The following ANAPC1 variants were observed in gnomAD, a reference collection of about 807,000 sequenced individuals.
The protein encoded by ANAPC1 is anaphase-promoting complex subunit 1.
A neutral mutation model predicts 208.0 loss-of-function variants in ANAPC1; 36 were observed. The observed-to-expected ratio is 0.17, with a 90% CI of 0.13 to 0.23. The LOEUF (loss-of-function observed/expected upper bound fraction) is 0.23. ANAPC1 is among the 10% of genes least tolerant of loss of function. ANAPC1 has a pLI of 1.00. For synonymous variants in ANAPC1, 378 were observed against 695.2 expected (o/e 0.54, Z 7.18); for missense variants, 942 against 2,011.6 (o/e 0.47, Z 10.17).
chr2:111,840,198 G>A (rs1486093489), intron 17 of ANAPC1, among the ~76,000 whole-genome samples: 5 of 149,846 alleles, frequency 3.3e-5, no homozygotes, highest in African/African-American at 1.2e-4. Flanking sequence ...ATTAAAGAAA[G>A]CACAAAGAAA....
chr2:111,787,087 T>G (rs1425670128), intron 39 of ANAPC1, among the ~76,000 whole-genome samples: 8 of 144,128 alleles, frequency 5.6e-5, no homozygotes, highest in Middle Eastern at 3.6e-3. Flanking sequence ...AGGCGGAGCT[T>G]GCAGTGACCC....
At position 111,775,078 on chromosome 2, in the gene ANAPC1, C is replaced by T. The variant is rs10187887; in HGVS notation, c.5584+1781G>A. Among the ~76,000 whole-genome samples the T allele has an allele frequency of 5.9e-3, 902 of 152,214 alleles. 10 individuals are homozygous for T. Among genetic ancestry groups the T allele is most frequent in the African/African-American group, 0.021 (869 of 41,508 alleles). ...GTCAGGAGTTCGAGATCAGACTGAA[C>T]AACATGGTGAAACCCCGTCTCTACT... On this transcript the variant is annotated intron_variant, in intron 46 of 47. Transcript: ENST00000341068.
chr2:111,775,139 A>G (rs111955097), intron 46 of ANAPC1, among the ~76,000 whole-genome samples: 3 of 151,960 alleles, frequency 2.0e-5, no homozygotes. Context: ...GGTGGCGTGC[A>G]CCTGTAATCC....
At chr2:111,828,659 T>C (rs1387021505) in intron 21 of ANAPC1, among the ~76,000 whole-genome samples, 2 of 152,198 alleles carry the variant, frequency 1.3e-5, no homozygotes, top group South Asian at 4.1e-4. Context: ...TGGATGAACA[T>C]TGAAAACATT....
chr2:111,871,752 CAA>C (rs979605617), intron 6 of ANAPC1, among the ~76,000 whole-genome samples: 1 of 150,812 alleles, frequency 6.6e-6, no homozygotes, highest in Non-Finnish European at 1.5e-5. Context: ...AACCCCGTCT[CAA>C]AAAAAAAGAG....
chr2:111,827,735 G>A (rs1679912885), intron 21 of ANAPC1, among the ~76,000 whole-genome samples: 2 of 151,856 alleles, frequency 1.3e-5, no homozygotes, highest in African/African-American at 4.8e-5. Flanking sequence ...CAGCCTGGGT[G>A]ACAGAGTAAG....
intron 29 of ANAPC1, 149 bp downstream of exon 29, chr2:111,808,797 GT>G (rs1216677398): frequency 2.7e-5 from 27 of 1,009,340 alleles, no homozygotes; most frequent in African/African-American, 3.3e-5. Flanking sequence ...GAGTTTTGTT[GT>G]TTTTTTTAAT....
At chr2:111,875,312 G>T (rs1335694223) in intron 3 of ANAPC1, among the ~76,000 whole-genome samples, 2 of 152,156 alleles carry the variant, frequency 1.3e-5, no homozygotes, top group Non-Finnish European at 2.9e-5. Flanking sequence ...GTTAAGAAAT[G>T]AAAATTCAGG....
At chr2:111,832,756 C>T (rs1188992668) in intron 20 of ANAPC1, among the ~76,000 whole-genome samples, 1 of 151,726 alleles carries the variant, frequency 6.6e-6, no homozygotes, top group Non-Finnish European at 1.5e-5. Flanking sequence ...AGTTAAACCT[C>T]GTCTCTAATA....
At position 111,850,842 on chromosome 2, in the gene ANAPC1, G is replaced by A; in HGVS notation, c.1584C>T (p.Pro528=). 4 of 1,611,860 alleles carry A rather than the reference G, an allele frequency of 2.5e-6. No individual in the cohort carries two copies. Among genetic ancestry groups the A allele is most frequent in the Non-Finnish European group, 3.4e-6 (4 of 1,179,842 alleles). Residue 528 remains proline, a synonymous_variant, in exon 14 of 48, where the codon CCC becomes CCT. Transcript: ENST00000341068. ...TACTAACGCCATCTAGTGGAGTACT[G>A]GGCCGAGGCATTGTGTTGGACATCG... ...SLTMSNTMPR[P]STPLDGVSTP... is the part of the protein sequence containing the mutation.
At position 111,788,307 on chromosome 2, in the gene ANAPC1, T is replaced by G. The variant is rs1387883406; in HGVS notation, c.4726A>C (p.Thr1576Pro). Reference sequence around the variant, plus strand: ...AGAGCGGCAATGGAAGAATTTGATGTGCTCAAAGAGTACCTGCAAAGTAAG... The same window carrying G: ...AGAGCGGCAATGGAAGAATTTGATGGGCTCAAAGAGTACCTGCAAAGTAAG... The part of the protein sequence containing the change: ...FLGGGRYSLS[T>P]SNSSIAALLC... Residue 1576 changes from threonine to proline, a missense_variant, in exon 39 of 48, where the codon ACA (threonine) becomes CCA (proline). Thr to Pro is a conservative substitution (Grantham distance 38). Transcript: ENST00000341068. 6.2e-7 allele frequency: 1 copy of G among 1,613,694 alleles called. No individual in the cohort carries two copies. The highest frequency in any genetic ancestry group is 8.5e-7 in the Non-Finnish European group (1 of 1,179,740).
chr2:111,856,070 C>T (rs1297738542), intron 13 of ANAPC1, among the ~76,000 whole-genome samples: 2 of 152,206 alleles, frequency 1.3e-5, no homozygotes, highest in Non-Finnish European at 2.9e-5. Context: ...CCCGTCTCTA[C>T]TAAAAATACA....
At chr2:111,860,645 A>G (rs1247574194) in intron 10 of ANAPC1, among the ~76,000 whole-genome samples, 1 of 150,694 alleles carries the variant, frequency 6.6e-6, no homozygotes, top group Non-Finnish European at 1.5e-5. Context: ...TATTCTTGAA[A>G]TGTTCTTTTT....
At position 111,858,316 on chromosome 2, in the gene ANAPC1, G is replaced by A. The variant is rs771673684; in HGVS notation, c.1348C>T (p.Leu450Phe). ...AAGACATACACCTACCGTAACTGGA[G>A]CTGGGACTCTACTAAAAAGCACAGG... is the stretch of plus-strand genomic sequence containing the variant. ...KFLCFLVESQ[L>F]QLRCVKFQES... Residue 450 changes from leucine (L) to phenylalanine (F), a missense_variant, in exon 11 of 48, where the codon CTC becomes TTC. Leu to Phe is a conservative substitution (Grantham distance 22). Coordinates refer to ENST00000341068, the MANE Select transcript of ANAPC1 (RefSeq NM_022662.4). 1.2e-6 allele frequency: 2 copies of A among 1,613,192 alleles called. No homozygotes were observed. Among genetic ancestry groups the A allele is most frequent in the Non-Finnish European group, 1.7e-6 (2 of 1,179,428 alleles).
intron 39 of ANAPC1, among the ~76,000 whole-genome samples, chr2:111,787,203 T>G (rs1677606325): frequency 6.7e-6 from 1 of 150,258 alleles, no homozygotes; most frequent in Admixed American, 6.6e-5. Flanking sequence ...TCGTTTACAA[T>G]AGCTAAGCCA....
At chr2:111,836,068 T>C (rs1433293435) in intron 18 of ANAPC1, among the ~76,000 whole-genome samples, 1 of 152,008 alleles carries the variant, frequency 6.6e-6, no homozygotes, top group African/African-American at 2.4e-5. Flanking sequence ...AAGCAGCTAA[T>C]GAGCACATGA....
At chr2:111,829,536 G>C (rs1007370394) in intron 21 of ANAPC1, among the ~76,000 whole-genome samples, 1 of 152,196 alleles carries the variant, frequency 6.6e-6, no homozygotes, top group Non-Finnish European at 1.5e-5. Context: ...AGGATGGGGG[G>C]ACTGAGGAAC....
chr2:111,769,581 A>C (rs1467792803), intron 47 of ANAPC1, among the ~76,000 whole-genome samples, 175 bp from the exon 48 acceptor site: 1 of 151,976 alleles, frequency 6.6e-6, no homozygotes, highest in East Asian at 1.9e-4. Flanking sequence ...CTGTAATGTA[A>C]ATTGAGTATC....
intron 29 of ANAPC1, among the ~76,000 whole-genome samples, chr2:111,806,803 GA>G (rs1339275701): frequency 6.6e-6 from 1 of 152,036 alleles, no homozygotes; most frequent in East Asian, 1.9e-4. Context: ...CTACCGTGTT[GA>G]AAACGATAAA....
Sources: gnomAD v4.1 joint callset for allele counts (sites outside exome capture counted in the v4.1 genomes callset) on GRCh38, gnomAD v4.1.1 for gene constraint, MANE v1.5 for transcripts, NCBI Gene and HGNC (gene_info 2026-07-23, HGNC 2026-07-21) for gene names.